The following CEMIP variants were observed in gnomAD, a reference collection of about 807,000 sequenced individuals.
CEMIP encodes the protein cell migration inducing hyaluronidase 1, also known as cell migration-inducing and hyaluronan-binding protein.
Under a neutral mutation model 156.9 loss-of-function variants are expected in CEMIP, and 105 were observed. The observed-to-expected ratio is 0.67, with a 90% CI of 0.57 to 0.79. The LOEUF is 0.79. CEMIP is among the 30% of genes least tolerant of loss of function. The probability of loss-of-function intolerance (pLI) is 0.00; values close to 1 mark genes in which losing one functional copy is unlikely to be tolerated. For missense variants in CEMIP, 1,457 were observed against 1,769.4 expected (o/e 0.82, Z 3.17); for synonymous variants, 676 against 668.4 (o/e 1.01, Z -0.17).
chr15:80,839,310 G>GTGTGTGTGTGTGTGTA (rs1329375486), intron 1 of CEMIP, among the ~76,000 whole-genome samples: 3 of 151,418 alleles, frequency 2.0e-5, no homozygotes, highest in African/African-American at 7.3e-5. Flanking sequence ...GTGTGTGTGT[G>GTGTGTGTGTGTGTGTA]TGTGTGTGTG....
chr15:80,929,191 G>A lies in CEMIP; in HGVS notation c.2612+17G>A. ...TATAGGCCAGTAGGTTTGCAACCAT[G>A]TAGCTCCTTATTCTGAGTGGCTTAA... On this transcript the variant is annotated intron_variant, in intron 21 of 29. Transcript: ENST00000394685. 6.2e-7 allele frequency: 1 copy of A among 1,614,218 alleles called. No homozygotes were observed. The highest frequency in any genetic ancestry group is 1.3e-5 in the African/African-American group (1 of 75,058).
intron 21 of CEMIP, among the ~76,000 whole-genome samples, chr15:80,929,937 T>C (rs986994917): frequency 2.0e-5 from 3 of 152,228 alleles, no homozygotes; most frequent in Non-Finnish European, 4.4e-5. Flanking sequence ...AGTCAATTCC[T>C]TGGAAAACCA....
chr15:80,800,083 G>T (rs1316411411), intron 1 of CEMIP, among the ~76,000 whole-genome samples: 1 of 139,186 alleles, frequency 7.2e-6, no homozygotes, highest in South Asian at 2.4e-4. Context: ...TCATCATCTT[G>T]CCCAGGTTAG....
intron 3 of CEMIP, among the ~76,000 whole-genome samples, chr15:80,876,159 C>A (rs1345231111): frequency 6.6e-6 from 1 of 152,218 alleles, no homozygotes; most frequent in Non-Finnish European, 1.5e-5. Flanking sequence ...ATATATGTTC[C>A]CCGCGTGGCT....
At chr15:80,938,617 C>CA (rs1314524547) in intron 25 of CEMIP, among the ~76,000 whole-genome samples, 1 of 152,112 alleles carries the variant, frequency 6.6e-6, no homozygotes, top group Admixed American at 6.5e-5. Flanking sequence ...AAAGAAGGCA[C>CA]AGGGAAAATA....
chr15:80,804,173 A>C (rs1896451568), intron 1 of CEMIP, among the ~76,000 whole-genome samples: 1 of 152,342 alleles, frequency 6.6e-6, no homozygotes, highest in Middle Eastern at 3.4e-3. Context: ...TTCACAATGC[A>C]TCGGAATTAT....
In CEMIP at chr15:80,942,335, G is replaced by C; in HGVS notation, c.3697G>C (p.Glu1233Gln). ...FHLWNDFAYI[E>Q]VDGKKYPSSE... ...CCTCTGGAACGACTTCGCTTACATTGAAGTAAGTGCCTCTGGCCCCTGGAG... is the reference window on the plus strand; with the variant it reads ...CCTCTGGAACGACTTCGCTTACATTCAAGTAAGTGCCTCTGGCCCCTGGAG... Residue 1233 changes from glutamate (E) to glutamine (Q), a missense_variant and splice_region_variant, in exon 27 of 30, where the codon GAA becomes CAA. Glu to Gln is a conservative substitution (Grantham distance 29). This residue lies in a region of CEMIP where 798 missense variants were observed against 980.1 expected (regional missense o/e 0.81). Coordinates refer to ENST00000394685, the MANE Select transcript of CEMIP (RefSeq NM_001293298.2). 1 of 1,612,792 alleles carries C rather than the reference G, an allele frequency of 6.2e-7. No individual in the cohort carries two copies. The highest frequency in any genetic ancestry group is 8.5e-7 in the Non-Finnish European group (1 of 1,178,726).
rs571318844 is a variant in CEMIP, at chr15:80,931,794, T to G, written c.2613-65T>G. 6.9e-5 allele frequency: 105 copies of G among 1,532,624 alleles called. No homozygotes were observed. The African/African-American group carries it at 1.3e-3, about 19-fold the overall frequency. The allele number at this position is 1,532,624 out of a possible 1,614,324, so 94.9% of individuals were successfully genotyped here. On this transcript the variant is annotated intron_variant, in intron 21 of 29. Coordinates refer to ENST00000394685, the MANE Select transcript of CEMIP (RefSeq NM_001293298.2). ...AAACATGGCGTTTAGACTGACGTCTTACTTCCTTAACTCCATAGGAATGGA... is the reference window on the plus strand; with the variant it reads ...AAACATGGCGTTTAGACTGACGTCTGACTTCCTTAACTCCATAGGAATGGA...
chr15:80,806,178 G>A (rs182562983), intron 1 of CEMIP, among the ~76,000 whole-genome samples: 1 of 152,346 alleles, frequency 6.6e-6, no homozygotes, highest in East Asian at 1.9e-4. Flanking sequence ...TATGTCATGT[G>A]ATGACTCAGT....
intron 5 of CEMIP, 127 bp downstream of exon 5, chr15:80,879,981 A>AT: frequency 9.5e-7 from 1 of 1,050,828 alleles, no homozygotes. Flanking sequence ...GTCCTGCCAG[A>AT]TGGGGATCAT....
At chr15:80,848,077 T>C (rs1463370712) in intron 1 of CEMIP, among the ~76,000 whole-genome samples, 2 of 152,208 alleles carry the variant, frequency 1.3e-5, no homozygotes, top group African/African-American at 4.8e-5. Flanking sequence ...AATAATGATC[T>C]TCAGAACTTT....
At chr15:80,915,236 G>A (rs756593542) in intron 14 of CEMIP, among the ~76,000 whole-genome samples, 9 of 152,218 alleles carry the variant, frequency 5.9e-5, no homozygotes, top group Non-Finnish European at 1.2e-4. Flanking sequence ...TACAAAAGCA[G>A]TTTAGTCCCT....
intron 24 of CEMIP, 75 bp downstream of exon 24, chr15:80,936,960 G>A (rs1019732144): frequency 3.1e-5 from 43 of 1,409,228 alleles, no homozygotes; most frequent in African/African-American, 9.9e-5. Context: ...CTGGACTTGC[G>A]TCTAACGAAA....
chr15:80,865,586 C>G (rs1342798644), intron 1 of CEMIP, among the ~76,000 whole-genome samples: 6 of 151,706 alleles, frequency 4.0e-5, no homozygotes, highest in African/African-American at 1.5e-4. Flanking sequence ...ATGTCCAGCC[C>G]TTTGAACGTG....
chr15:80,815,015 G>A (rs1017079291), intron 1 of CEMIP, among the ~76,000 whole-genome samples: 1 of 152,198 alleles, frequency 6.6e-6, no homozygotes, highest in Non-Finnish European at 1.5e-5. Context: ...CAGGTGGAGA[G>A]TGTCCCTACT....
intron 28 of CEMIP, among the ~76,000 whole-genome samples, chr15:80,943,515 T>C (rs1901422045): frequency 6.6e-6 from 1 of 152,214 alleles, no homozygotes; most frequent in Non-Finnish European, 1.5e-5. Flanking sequence ...CCTGGACATC[T>C]TGTATGGAAC....
In CEMIP at chr15:80,884,347, G is replaced by A. The variant is rs1434869560; in HGVS notation, c.790G>A (p.Gly264Arg). 6.2e-7 allele frequency: 1 copy of A among 1,614,012 alleles called. No individual in the cohort carries two copies. Among genetic ancestry groups the A allele is most frequent in the Non-Finnish European group, 8.5e-7 (1 of 1,180,030 alleles). The change falls in exon 7 of 30, where the codon GGA (glycine) becomes AGA (arginine). Residue 264 changes from glycine (G) to arginine (R), a missense_variant. This residue lies in a region of CEMIP where 309 missense variants were observed against 340.8 expected (regional missense o/e 0.91). Transcript: ENST00000394685. ...GGGAAGCAAACACTTCCTGCACCTT[G>A]GATTTAGGTACTGCCCCTCACTTCG... ...KLGSKHFLHL[G>R]FRHPWSFLTV...
rs373490512 is a variant in CEMIP at position 80,926,826 on chromosome 15, G to T, written c.2420+1071G>T. ...GCAGAGAGACTGAGCGGGTGGGGGG[G>T]GGGGGTCTTCTTTTTTTTTTTTGAG... On this transcript the variant is annotated intron_variant, in intron 19 of 29. Transcript: ENST00000394685. Among the ~76,000 whole-genome samples, 34 of 124,936 alleles carry T rather than the reference G, an allele frequency of 2.7e-4. 1 individual carries two copies. Among genetic ancestry groups the T allele is most frequent in the Admixed American group, 7.8e-5 (1 of 12,806 alleles). 82.0% of individuals were successfully genotyped at this position (124,936 alleles called of 152,430 possible). A position where few individuals can be genotyped will look rare whatever the true frequency, so the allele number is the denominator to read the frequency against.
chr15:80,832,322 C>CTGTGTGTGTGTGTGTGTGTGTG (rs58855328), intron 1 of CEMIP, among the ~76,000 whole-genome samples: 3,113 of 127,968 alleles, frequency 0.024, 141 homozygotes, highest in East Asian at 0.042. Context: ...AAAATAAACT[C>CTGTGTGTGTGTGTGTGTGTGTG]TGTGTGTGTG....
Sources: gnomAD v4.1 joint callset for allele counts (sites outside exome capture counted in the v4.1 genomes callset) on GRCh38, gnomAD v4.1.1 for gene constraint, gnomAD v4.1.1 regional missense constraint, MANE v1.5 for transcripts, NCBI Gene and HGNC (gene_info 2026-07-23, HGNC 2026-07-21) for gene names.